CD6: variants seen among roughly 807,000 people sequenced by gnomAD.
CD6 encodes CD6 molecule.
A neutral mutation model predicts 75.3 loss-of-function variants in CD6; 53 were observed. That is an observed-to-expected ratio of 0.70 (90% CI 0.56 to 0.88). The LOEUF (loss-of-function observed/expected upper bound fraction) is 0.88, where lower values mean the gene tolerates loss of function less well. Among genes scored for constraint, CD6 ranks in the 40% least tolerant of loss-of-function variants. The pLI, the probability that CD6 is intolerant of heterozygous loss-of-function variation, is 0.00. For synonymous variants in CD6, 359 were observed against 381.5 expected (o/e 0.94, Z 0.69); for missense variants, 770 against 897.1 (o/e 0.86, Z 1.81).
intron 9 of CD6, chr11:61,017,038 C>T (rs1466427140): frequency 5.4e-6 from 1 of 185,194 alleles, no homozygotes; most frequent in African/African-American, 2.4e-5. Context: ...ATCCTCAAGA[C>T]TCTATAAATC....
At chr11:60,984,534 G>A (rs11230550) in intron 1 of CD6, among the ~76,000 whole-genome samples, 14,194 of 152,272 alleles carry the variant, frequency 0.093, 764 homozygotes, top group Non-Finnish European at 0.12. Flanking sequence ...ACTAGTATGT[G>A]TTAGGCACTT....
rs1858870971 is a variant in CD6 at position 61,006,597 on chromosome 11, G to A, written c.73G>A (p.Asp25Asn). Residue 25 changes from aspartate (D) to asparagine (N), a missense_variant, in exon 2 of 13, where the codon GAC becomes AAC. Coordinates refer to ENST00000313421, the MANE Select transcript of CD6 (RefSeq NM_006725.5). ...LSGHPSPAPP[D>N]QLNTSSAESE... is the part of the protein sequence containing the mutation. Reference sequence around the variant, plus strand: ...AGGTCATCCATCTCCAGCCCCACCTGACCAGCTCAACACCAGCAGTGCAGA... The same window carrying A: ...AGGTCATCCATCTCCAGCCCCACCTAACCAGCTCAACACCAGCAGTGCAGA... 13 of 1,610,042 alleles carry A rather than the reference G, an allele frequency of 8.1e-6. No individual in the cohort carries two copies. Among genetic ancestry groups the A allele is most frequent in the African/African-American group, 1.3e-5 (1 of 74,874 alleles).
chr11:60,985,470 C>A (rs1857772088), intron 1 of CD6, among the ~76,000 whole-genome samples: 1 of 152,010 alleles, frequency 6.6e-6, no homozygotes, highest in Admixed American at 6.6e-5. Context: ...CAGGTATAAG[C>A]CACCGCACCC....
chr11:61,013,670 T>G, intron 7 of CD6, 107 bp downstream of exon 7: 2 of 1,260,588 alleles, frequency 1.6e-6, no homozygotes, highest in African/African-American at 3.0e-5. Flanking sequence ...GCCCTGGCCC[T>G]GGGGAGATCC....
chr11:60,972,273 A>C (rs1286223121), intron 1 of CD6, among the ~76,000 whole-genome samples: 1 of 152,200 alleles, frequency 6.6e-6, no homozygotes, highest in Admixed American at 6.5e-5. Context: ...CACCTTCCAG[A>C]GAGGCAGGAC....
At chr11:60,972,853 G>A (rs1857239517) in intron 1 of CD6, among the ~76,000 whole-genome samples, 1 of 152,132 alleles carries the variant, frequency 6.6e-6, no homozygotes, top group African/African-American at 2.4e-5. Flanking sequence ...GGCAGGGAGT[G>A]CTCTCCTCTC....
rs764767947 is a variant in CD6 at position 61,007,567 on chromosome 11, G to A, written c.126G>A (p.Arg42=). ...AESELWEPGE[R]LPVRLTNGSS... is the part of the protein sequence containing the mutation. ...CTGGTCTGACACTTCCAGGGGAGCG[G>A]CTTCCGGTCCGTCTGACAAACGGGA... Residue 42 remains arginine (R), a synonymous_variant, in exon 3 of 13, where the codon CGG becomes CGA. Coordinates refer to ENST00000313421, the MANE Select transcript of CD6 (RefSeq NM_006725.5). This position sits in a 1 kb window ranked among gnomAD's most constrained non-coding sequence, Gnocchi z 4.2. 1.3e-6 allele frequency: 2 copies of A among 1,497,690 alleles called. No individual in the cohort carries two copies. The highest frequency in any genetic ancestry group is 1.3e-5 in the South Asian group (1 of 79,074). 92.8% of individuals were successfully genotyped at this position (1,497,690 alleles called of 1,614,324 possible). A position where few individuals can be genotyped will look rare whatever the true frequency, so the allele number is the denominator to read the frequency against.
chr11:60,978,180 C>A (rs1857429907), intron 1 of CD6, among the ~76,000 whole-genome samples: 2 of 152,194 alleles, frequency 1.3e-5, no homozygotes, highest in South Asian at 4.1e-4. Context: ...TGTGTATGTG[C>A]CCTAGACTTT....
At position 61,019,411 on chromosome 11, in the gene CD6, C is replaced by G. The variant is rs1444651066; in HGVS notation, c.*93C>G. ...CCCCTTTCCCACCCTCCCAGCTCAC[C>G]TCCCCATGGAGCTGAGAGGCCTCCC... On this transcript the variant is annotated 3_prime_UTR_variant, in exon 13 of 13. Transcript: ENST00000313421. 1.0e-6 allele frequency: 1 copy of G among 976,628 alleles called. No individual in the cohort carries two copies. Among genetic ancestry groups the G allele is most frequent in the Non-Finnish European group, 1.5e-6 (1 of 655,446 alleles). 60.5% of individuals were successfully genotyped at this position (976,628 alleles called of 1,614,324 possible). A position where few individuals can be genotyped will look rare whatever the true frequency, so the allele number is the denominator to read the frequency against.
intron 6 of CD6, 60 bp downstream of exon 6, chr11:61,011,195 G>GTGTGTGTGTGTGTGTGTGTC: frequency 7.5e-7 from 1 of 1,332,866 alleles, no homozygotes; most frequent in Admixed American, 1.8e-5. Context: ...GTGTGTGTGT[G>GTGTGTGTGTGTGTGTGTGTC]TGTGTGTGTT....
chr11:61,017,140 C>T (rs917644514), intron 9 of CD6: 3 of 285,310 alleles, frequency 1.1e-5, no homozygotes, highest in African/African-American at 2.2e-5. Flanking sequence ...CTTGAAGGAG[C>T]AAACATCTGT....
intron 1 of CD6, among the ~76,000 whole-genome samples, chr11:60,991,673 G>A (rs989271070): frequency 1.3e-5 from 2 of 151,410 alleles, no homozygotes; most frequent in Non-Finnish European, 2.9e-5. Context: ...TGAGGTTTTT[G>A]TTTCGTTTTC....
At chr11:60,996,036 G>C (rs573429510) in intron 1 of CD6, among the ~76,000 whole-genome samples, 3 of 152,184 alleles carry the variant, frequency 2.0e-5, no homozygotes, top group African/African-American at 4.8e-5. Context: ...ATTCCAACCC[G>C]GGGGAGTGGT....
At chr11:60,987,854 T>TTGGC (rs1380127116) in intron 1 of CD6, 2 of 152,170 alleles carry the variant, frequency 1.3e-5, no homozygotes, top group African/African-American at 2.4e-5. Flanking sequence ...AGCCCAAGGA[T>TTGGC]AGCATTTATA....
intron 4 of CD6, 30 bp downstream of exon 4, chr11:61,008,875 C>G (rs554882859): frequency 6.7e-7 from 1 of 1,486,992 alleles, no homozygotes; most frequent in Non-Finnish European, 9.0e-7. Flanking sequence ...GAAGCCCGGT[C>G]ACTACCAACA....
intron 1 of CD6, among the ~76,000 whole-genome samples, chr11:61,002,841 G>A (rs574875381): frequency 2.6e-5 from 4 of 152,340 alleles, no homozygotes; most frequent in Non-Finnish European, 4.4e-5. Context: ...GACAGAGCGA[G>A]GGACGGTGGA....
chr11:61,006,232 A>T (rs78417854), intron 1 of CD6, among the ~76,000 whole-genome samples: 6,474 of 152,292 alleles, frequency 0.043, 187 homozygotes, highest in Middle Eastern at 0.1. Context: ...TAGCTGAAAA[A>T]TTGGGACTGG....
chr11:60,987,366 T>G (rs187012107), intron 1 of CD6, among the ~76,000 whole-genome samples: 98 of 152,320 alleles, frequency 6.4e-4, no homozygotes, highest in African/African-American at 2.3e-3. Flanking sequence ...AGGACAACAG[T>G]CATATTGAAT....
chr11:60,978,369 TG>T (rs1213004378), intron 1 of CD6, among the ~76,000 whole-genome samples: 1 of 152,022 alleles, frequency 6.6e-6, no homozygotes, highest in Non-Finnish European at 1.5e-5. Context: ...GCCCTGAGGT[TG>T]GGGGGCACCC....
Sources: gnomAD v4.1 joint callset for allele counts (sites outside exome capture counted in the v4.1 genomes callset) on GRCh38, gnomAD v4.1.1 for gene constraint, Gnocchi (gnomAD v3.1) non-coding constraint, MANE v1.5 for transcripts, NCBI Gene and HGNC (gene_info 2026-07-23, HGNC 2026-07-21) for gene names.